UBE2E2: variants seen among roughly 807,000 people sequenced by gnomAD.
UBE2E2 encodes the protein ubiquitin conjugating enzyme E2 E2, also known as ubiquitin-conjugating enzyme E2 E2.
A neutral mutation model predicts 24.7 loss-of-function variants in UBE2E2; 6 were observed. The observed-to-expected ratio is 0.24, with a 90% CI of 0.13 to 0.48. The LOEUF is 0.48. Ranked by LOEUF, UBE2E2 falls within the 20% of genes least tolerant of loss-of-function variation. The pLI, the probability that UBE2E2 is intolerant of heterozygous loss-of-function variation, is 0.99. For synonymous variants in UBE2E2, 104 were observed against 83.6 expected, an observed-to-expected ratio of 1.24 and a Z score of -1.33; for missense variants, 169 against 245.0, an observed-to-expected ratio of 0.69 and a Z score of 2.07.
At chr3:23,293,939 G>A (rs749299451) in intron 3 of UBE2E2, among the ~76,000 whole-genome samples, 1 of 152,172 alleles carries the variant, frequency 6.6e-6, no homozygotes, top group African/African-American at 2.4e-5. Context: ...AGCATAGCGA[G>A]CTCTTTGTCT....
intron 3 of UBE2E2, among the ~76,000 whole-genome samples, chr3:23,349,250 C>T (rs1695652644): frequency 6.6e-6 from 1 of 152,188 alleles, no homozygotes; most frequent in Non-Finnish European, 1.5e-5. Flanking sequence ...TTCAGGGAGG[C>T]AGCCAAAATG....
intron 3 of UBE2E2, among the ~76,000 whole-genome samples, chr3:23,373,498 A>G (rs1466346616): frequency 1.3e-5 from 2 of 152,296 alleles, no homozygotes; most frequent in Admixed American, 1.3e-4. Context: ...CTAAGACACC[A>G]AAGTGAAAAC....
At chr3:23,566,000 G>A (rs1696065143) in intron 5 of UBE2E2, among the ~76,000 whole-genome samples, 1 of 152,188 alleles carries the variant, frequency 6.6e-6, no homozygotes, top group African/African-American at 2.4e-5. Flanking sequence ...AGAGATGGAA[G>A]CCACTACATA....
intron 3 of UBE2E2, among the ~76,000 whole-genome samples, chr3:23,344,913 G>GA (rs1695505826): frequency 6.7e-6 from 1 of 149,594 alleles, no homozygotes. Context: ...TTTTTTTTTT[G>GA]AAAAAGAAGT....
chr3:23,589,643 C>A lies in UBE2E2; in HGVS notation c.509-91C>A. 1.5e-6 allele frequency: 2 copies of A among 1,341,480 alleles called. No individual in the cohort carries two copies. The highest frequency in any genetic ancestry group is 2.1e-6 in the Non-Finnish European group (2 of 947,908). The allele number at this position is 1,341,480 out of a possible 1,614,324, so 83.1% of individuals were successfully genotyped here. ...CCAGGTTAGAACAGCAGCTTCTCATCTCCTACCCTCCCACTCCTTGCCAGC... is the reference window on the plus strand; with the variant it reads ...CCAGGTTAGAACAGCAGCTTCTCATATCCTACCCTCCCACTCCTTGCCAGC... On this transcript the variant is annotated intron_variant, in intron 5 of 5. Transcript: ENST00000396703. The surrounding 1 kb of genome is among the most constrained non-coding windows in gnomAD (Gnocchi z 4.1).
intron 3 of UBE2E2, among the ~76,000 whole-genome samples, chr3:23,415,917 C>G (rs1697617240): frequency 6.6e-6 from 1 of 151,954 alleles, no homozygotes; most frequent in Admixed American, 6.6e-5. Flanking sequence ...CCGAGAGGCC[C>G]CAGTGTGTGA....
intron 5 of UBE2E2, among the ~76,000 whole-genome samples, chr3:23,564,738 C>T (rs1024614166): frequency 4.6e-5 from 7 of 152,214 alleles, no homozygotes; most frequent in Admixed American, 4.6e-4. Context: ...TACTGGTCTG[C>T]GCGGTCACAA....
chr3:23,358,404 A>G (rs1357123205), intron 3 of UBE2E2, among the ~76,000 whole-genome samples: 5 of 152,362 alleles, frequency 3.3e-5, no homozygotes, highest in South Asian at 2.1e-4. Context: ...AGCCCTGCCA[A>G]TAAAATTAGT....
intron 3 of UBE2E2, among the ~76,000 whole-genome samples, chr3:23,391,433 G>C (rs1243150686): frequency 6.6e-6 from 1 of 152,100 alleles, no homozygotes; most frequent in Non-Finnish European, 1.5e-5. Context: ...TTTTTGTTGG[G>C]CATCTACTAT....
At chr3:23,291,069 T>TAAAAAAAAA (rs35305944) in intron 3 of UBE2E2, among the ~76,000 whole-genome samples, 1 of 125,546 alleles carries the variant, frequency 8.0e-6, no homozygotes, top group South Asian at 2.7e-4. Context: ...ACCCTGTCTT[T>TAAAAAAAAA]AAAAAAAAAA....
chr3:23,565,145 C>T (rs1397168311), intron 5 of UBE2E2, among the ~76,000 whole-genome samples: 2 of 152,124 alleles, frequency 1.3e-5, no homozygotes, highest in Non-Finnish European at 2.9e-5. Context: ...TTAAATATAG[C>T]TTCTCTTTAT....
chr3:23,328,832 T>A (rs1008228974), intron 3 of UBE2E2, among the ~76,000 whole-genome samples: 2 of 152,110 alleles, frequency 1.3e-5, no homozygotes, highest in African/African-American at 4.8e-5. Context: ...CGGCTGATTT[T>A]TATATTTTTT....
chr3:23,490,231 T>A (rs1202329045), intron 3 of UBE2E2, among the ~76,000 whole-genome samples: 1 of 152,216 alleles, frequency 6.6e-6, no homozygotes, highest in Non-Finnish European at 1.5e-5. Flanking sequence ...TCTAACAACC[T>A]ATGTATATAC....
intron 3 of UBE2E2, among the ~76,000 whole-genome samples, chr3:23,488,303 C>G (rs1699422924): frequency 6.6e-6 from 1 of 151,728 alleles, no homozygotes; most frequent in Admixed American, 6.6e-5. Context: ...GTTTGCTGCA[C>G]CCATCAACCT....
intron 3 of UBE2E2, among the ~76,000 whole-genome samples, chr3:23,382,176 T>C (rs1029647776): frequency 1.6e-5 from 2 of 122,380 alleles, no homozygotes; most frequent in East Asian, 2.3e-4. Context: ...ACGAATACTT[T>C]AATTTTTTTT....
chr3:23,533,209 A>C lies in UBE2E2; in HGVS notation c.508+508A>C, dbSNP rs377481730. ...GAAATACCCCAAAAGTAAACAAGGA[A>C]ATACACCTCCCAAGAAAACGAAAAA... is the stretch of plus-strand genomic sequence containing the variant. On this transcript the variant is annotated intron_variant, in intron 5 of 5. Transcript: ENST00000396703. Among the ~76,000 whole-genome samples the C allele has an allele frequency of 4.6e-5, 7 of 152,312 alleles. No individual in the cohort carries two copies. The South Asian group carries it at 1.4e-3, about 32-fold the overall frequency.
intron 3 of UBE2E2, among the ~76,000 whole-genome samples, chr3:23,252,522 A>T (rs922261748): frequency 1.1e-4 from 17 of 152,162 alleles, no homozygotes; most frequent in Non-Finnish European, 2.4e-4. Flanking sequence ...TTTGAGACGG[A>T]GTCTAGCTCT....
At chr3:23,244,837 A>G (rs1194900051) in intron 3 of UBE2E2, among the ~76,000 whole-genome samples, 3 of 152,144 alleles carry the variant, frequency 2.0e-5, no homozygotes, top group Admixed American at 2.0e-4. Flanking sequence ...ATACAAATGA[A>G]TAGTGTTAGG....
chr3:23,298,117 T>TG (rs1698963490), intron 3 of UBE2E2, among the ~76,000 whole-genome samples: 2 of 152,328 alleles, frequency 1.3e-5, no homozygotes, highest in East Asian at 1.9e-4. Flanking sequence ...AGAATGCTTG[T>TG]GATTTTTGTA....
Sources: gnomAD v4.1 joint callset for allele counts (sites outside exome capture counted in the v4.1 genomes callset) on GRCh38, gnomAD v4.1.1 for gene constraint, Gnocchi (gnomAD v3.1) non-coding constraint, MANE v1.5 for transcripts, NCBI Gene and HGNC (gene_info 2026-07-23, HGNC 2026-07-21) for gene names.